Variants in ASCC2 observed in about 807,000 individuals in gnomAD.
The protein encoded by ASCC2 is ASC-1 complex subunit P100.
In ASCC2, 42 loss-of-function variants were observed where a neutral mutation model predicts 93.5. The ratio of observed to expected loss-of-function variants is 0.45; its 90% CI spans 0.35 to 0.58. The LOEUF (loss-of-function observed/expected upper bound fraction) is 0.58. ASCC2 is among the 20% of genes least tolerant of loss of function. The probability of loss-of-function intolerance (pLI) is 0.00; values close to 1 mark genes in which losing one functional copy is unlikely to be tolerated. For missense variants in ASCC2, 859 were observed against 977.6 expected, an observed-to-expected ratio of 0.88 and a Z score of 1.62; for synonymous variants, 364 against 384.2, an observed-to-expected ratio of 0.95 and a Z score of 0.62.
intron 17 of ASCC2, 72 bp from the exon 18 acceptor site, chr22:29,792,607 C>A (rs1314357189): frequency 5.3e-5 from 85 of 1,596,766 alleles, no homozygotes; most frequent in East Asian, 6.8e-5. Context: ...GAGGAGGGAA[C>A]CTGGTTGGGT....
intron 14 of ASCC2, among the ~76,000 whole-genome samples, chr22:29,801,565 C>T (rs147073821): frequency 6.6e-6 from 1 of 152,302 alleles, no homozygotes; most frequent in African/African-American, 2.4e-5. Context: ...TTCCTGCTGT[C>T]CCATGGGGCC....
At position 29,801,106 on chromosome 22, in the gene ASCC2, T is replaced by A; in HGVS notation, c.1573A>T (p.Met525Leu). The A allele has an allele frequency of 6.3e-7, 1 of 1,597,108 alleles. No homozygotes were observed. The highest frequency in any genetic ancestry group is 1.3e-5 in the African/African-American group (1 of 74,724). ...SQLDRNLDRE[M>L]KPDPTPLLTS... The stretch of plus-strand genomic sequence containing the variant: ...AGCAGGGGTGTAGGGTCTGGTTTCA[T>A]TTCTCTGGGTGGGGGACACAGAGAT... The change falls in exon 15 of 20, where the codon ATG (methionine) becomes TTG (leucine). Residue 525 changes from methionine (M) to leucine (L), a missense_variant. Physicochemically the swap from Met to Leu is conservative, Grantham distance 15. Transcript: ENST00000307790.
chr22:29,799,271 A>T (rs2058797000), intron 15 of ASCC2: 2 of 152,284 alleles, frequency 1.3e-5, no homozygotes, highest in African/African-American at 4.8e-5. Flanking sequence ...CCCCTTGCCC[A>T]CCGCTGGAGC....
intron 15 of ASCC2, among the ~76,000 whole-genome samples, chr22:29,797,004 G>A (rs117858341): frequency 0.015 from 2,254 of 152,288 alleles, 30 homozygotes; most frequent in Admixed American, 0.026. Flanking sequence ...CCCTAGCTAT[G>A]CCCTGGAAGA....
intron 8 of ASCC2, 121 bp downstream of exon 8, chr22:29,813,309 G>A: frequency 4.2e-6 from 3 of 720,734 alleles, no homozygotes; most frequent in Non-Finnish European, 7.1e-6. Context: ...TGCATCCCCA[G>A]GCTGGAAGAG....
intron 1 of ASCC2, among the ~76,000 whole-genome samples, chr22:29,837,755 T>G (rs1246162741): frequency 2.0e-5 from 3 of 152,242 alleles, no homozygotes; most frequent in Admixed American, 2.0e-4. Context: ...TTTAATGACC[T>G]TGTGCATTTG....
intron 2 of ASCC2, among the ~76,000 whole-genome samples, chr22:29,831,427 C>T (rs1027200771): frequency 2.6e-5 from 4 of 152,066 alleles, no homozygotes; most frequent in Non-Finnish European, 4.4e-5. Context: ...TGAGATAATC[C>T]GGGTGAAGTG....
At chr22:29,823,877 G>A (rs2148202279) in intron 4 of ASCC2, among the ~76,000 whole-genome samples, 1 of 150,926 alleles carries the variant, frequency 6.6e-6, no homozygotes. Context: ...AGAAAATTTT[G>A]TATTTATGTA....
At chr22:29,804,962 C>G in intron 12 of ASCC2, 132 bp from the exon 13 acceptor site, 3 of 910,992 alleles carry the variant, frequency 3.3e-6, no homozygotes, top group Non-Finnish European at 5.1e-6. Context: ...GTGGTATAGC[C>G]CACGGGCACC....
chr22:29,811,081 A>G (rs1376197927), intron 8 of ASCC2, among the ~76,000 whole-genome samples: 1 of 152,198 alleles, frequency 6.6e-6, no homozygotes, highest in Non-Finnish European at 1.5e-5. Flanking sequence ...CTAAAGGACC[A>G]TCTATGGGAT....
chr22:29,805,824 A>G (rs1192882108), intron 12 of ASCC2, among the ~76,000 whole-genome samples: 1 of 149,302 alleles, frequency 6.7e-6, no homozygotes, highest in Non-Finnish European at 1.5e-5. Flanking sequence ...TCCATCTGAG[A>G]CCCCCACCCA....
rs777809725 is a variant in ASCC2 at position 29,802,002 on chromosome 22, G to C, written c.1560C>G (p.Asn520Lys). ...LAPTLSQLDR[N>K]LDREMKPDPT... ...CCACCTGTCTCTCCCACCTGTCTAG[G>C]TTGCGGTCCAGCTGGCTGAGGGTGG... Residue 520 changes from asparagine to lysine, a missense_variant, in exon 14 of 20, where the codon AAC (asparagine) becomes AAG (lysine). Coordinates refer to ENST00000307790, the MANE Select transcript of ASCC2 (RefSeq NM_032204.5). The C allele has an allele frequency of 6.3e-7, 1 of 1,592,420 alleles. No individual in the cohort carries two copies. The highest frequency in any genetic ancestry group is 2.3e-5 in the East Asian group (1 of 43,952).
At chr22:29,807,679 G>A (rs1229771064) in intron 9 of ASCC2, among the ~76,000 whole-genome samples, 3 of 151,830 alleles carry the variant, frequency 2.0e-5, no homozygotes, top group Non-Finnish European at 2.9e-5. Flanking sequence ...TTTTTAATAT[G>A]CTAAGAGTTT....
At chr22:29,818,396 C>A (rs2061128370) in intron 5 of ASCC2, among the ~76,000 whole-genome samples, 1 of 85,346 alleles carries the variant, frequency 1.2e-5, no homozygotes, top group Admixed American at 1.1e-4. Context: ...CTGCATCACT[C>A]CCTGCCTACA....
intron 15 of ASCC2, 30 bp from the exon 16 acceptor site, chr22:29,793,706 GA>G: frequency 6.5e-7 from 1 of 1,542,410 alleles, no homozygotes; most frequent in Non-Finnish European, 8.7e-7. Flanking sequence ...AGAGAGGAAG[GA>G]AAACCATCAG....
At chr22:29,802,535 T>A (rs1409958234) in intron 13 of ASCC2, among the ~76,000 whole-genome samples, 1 of 151,940 alleles carries the variant, frequency 6.6e-6, no homozygotes, top group African/African-American at 2.4e-5. Flanking sequence ...GTACAGTGGC[T>A]CATACCTATA....
At chr22:29,827,821 ACACACACACATACAC>A (rs1450000533) in intron 2 of ASCC2, among the ~76,000 whole-genome samples, 26 of 132,496 alleles carry the variant, frequency 2.0e-4, no homozygotes, top group East Asian at 4.9e-4. Flanking sequence ...ACACACACAC[ACACACACACATACAC>A]CCAGACTACT....
chr22:29,824,995 A>G (rs1015537695), intron 4 of ASCC2, 92 bp downstream of exon 4: 32 of 1,180,416 alleles, frequency 2.7e-5, no homozygotes, highest in African/African-American at 9.5e-5. Context: ...AGGAAACTCA[A>G]TGCTTCCAGA....
At position 29,794,380 on chromosome 22, in the gene ASCC2, T is replaced by C. The variant is rs1378932962; in HGVS notation, c.1689-704A>G. ...AGTGGCGGGTGCCTGTAATCCCAGTTACACGGGAGGCTGAGCCAGGAGAAT... is the reference window on the plus strand; with the variant it reads ...AGTGGCGGGTGCCTGTAATCCCAGTCACACGGGAGGCTGAGCCAGGAGAAT... On this transcript the variant is annotated intron_variant, in intron 15 of 19. Coordinates refer to ENST00000307790, the MANE Select transcript of ASCC2 (RefSeq NM_032204.5). Among the ~76,000 whole-genome samples the C allele has an allele frequency of 2.0e-5, 3 of 151,674 alleles. 1 individual carries two copies. Among genetic ancestry groups the C allele is most frequent in the Admixed American group, 2.0e-4 (3 of 15,250 alleles).
Sources: gnomAD v4.1 joint callset for allele counts (sites outside exome capture counted in the v4.1 genomes callset) on GRCh38, gnomAD v4.1.1 for gene constraint, MANE v1.5 for transcripts, NCBI Gene and HGNC (gene_info 2026-07-23, HGNC 2026-07-21) for gene names.